Variants in AGAP1 observed in about 807,000 individuals in gnomAD.
The protein encoded by AGAP1 is ArfGAP with GTPase domain, ankyrin repeat and PH domain 1, also known as arf-GAP with GTPase, ANK repeat and PH domain-containing protein 1.
A neutral mutation model predicts 105.3 loss-of-function variants in AGAP1; 29 were observed. That is an observed-to-expected ratio of 0.28 (90% confidence interval 0.21 to 0.38). The LOEUF (loss-of-function observed/expected upper bound fraction) is 0.38. AGAP1 is among the 10% of genes least tolerant of loss of function. The probability of loss-of-function intolerance (pLI) is 1.00; values close to 1 mark genes in which losing one functional copy is unlikely to be tolerated. For missense variants in AGAP1, 998 were observed against 1,165.1 expected (o/e 0.86, Z 2.09); for synonymous variants, 509 against 485.9 (o/e 1.05, Z -0.63).
Position 235,556,440 on chromosome 2 carries a change from AT to A in AGAP1, c.163+61592del, listed in dbSNP as rs1278107667. ...GGCTGCCCACACCTAGGTCTTCAGG[AT>A]GGGACAAGGCAGTCTTGGGGGACTT... On this transcript the variant is annotated intron_variant, in intron 1 of 17. Transcript: ENST00000304032. The surrounding 1 kb of genome is among the most constrained non-coding windows in gnomAD (Gnocchi z 5.3). Among the ~76,000 whole-genome samples the A allele has an allele frequency of 6.6e-6, 1 of 152,188 alleles. No individual in the cohort carries two copies. Among genetic ancestry groups the A allele is most frequent in the African/African-American group, 2.4e-5 (1 of 41,462 alleles).
intron 13 of AGAP1, among the ~76,000 whole-genome samples, chr2:236,015,132 T>C (rs2056652762): frequency 6.6e-6 from 1 of 152,268 alleles, no homozygotes; most frequent in Admixed American, 6.5e-5. Flanking sequence ...TAGTGATGTT[T>C]AAATTACTTC....
At chr2:235,924,585 G>A (rs1257455138) in intron 11 of AGAP1, among the ~76,000 whole-genome samples, 3 of 152,134 alleles carry the variant, frequency 2.0e-5, no homozygotes, top group African/African-American at 4.8e-5. Context: ...TAGGTTCCTG[G>A]GTGATGAGAC....
At position 235,705,518 on chromosome 2, in the gene AGAP1, C is replaced by T. The variant is rs1266959212; in HGVS notation, c.164-3661C>T. On this transcript the variant is annotated intron_variant, in intron 1 of 17. Transcript: ENST00000304032. The surrounding 1 kb of genome is among the most constrained non-coding windows in gnomAD (Gnocchi z 4.9). ...ACCTACTGAGTGATGAACAATTCCA[C>T]GCCAGCACAGTGTCCAGCCCACAGA... 6.6e-6 allele frequency among the ~76,000 whole-genome samples: 1 copy of T among 152,194 alleles called. No individual in the cohort carries two copies. Among genetic ancestry groups the T allele is most frequent in the Non-Finnish European group, 1.5e-5 (1 of 68,046 alleles).
Position 236,051,581 on chromosome 2 carries a change from G to A in AGAP1, c.2114+2300G>A, listed in dbSNP as rs936740781. On this transcript the variant is annotated intron_variant, in intron 16 of 17. Transcript: ENST00000304032. The surrounding 1 kb of genome is among the most constrained non-coding windows in gnomAD (Gnocchi z 5.9). Reference sequence around the variant, plus strand: ...CCTGTGGGGAGGTGTGCCTGTCGGCGAGTACAGCACCGTGGACGGGAGCCT... The same window carrying A: ...CCTGTGGGGAGGTGTGCCTGTCGGCAAGTACAGCACCGTGGACGGGAGCCT... Among the ~76,000 whole-genome samples the A allele has an allele frequency of 1.3e-5, 2 of 152,282 alleles. No homozygotes were observed. Among genetic ancestry groups the A allele is most frequent in the East Asian group, 1.9e-4 (1 of 5,156 alleles).
chr2:236,032,795 G>A (rs1417387328), intron 13 of AGAP1, among the ~76,000 whole-genome samples: 1 of 152,124 alleles, frequency 6.6e-6, no homozygotes, highest in Admixed American at 6.5e-5. Context: ...TCCGCAAGAA[G>A]GTATGAGGGG....
rs902089581 is a variant in AGAP1 at position 235,655,447 on chromosome 2, C to G, written c.164-53732C>G. Among the ~76,000 whole-genome samples, 1 of 152,158 alleles carries G rather than the reference C, an allele frequency of 6.6e-6. No individual in the cohort carries two copies. The highest frequency in any genetic ancestry group is 2.4e-5 in the African/African-American group (1 of 41,432). ...CTCCTTAAGTGTTGCAGAATCACAC[C>G]TGGACAACCCAGGTGCCCAGTCCTT... On this transcript the variant is annotated intron_variant, in intron 1 of 17. Transcript: ENST00000304032. This position sits in a 1 kb window ranked among gnomAD's most constrained non-coding sequence, Gnocchi z 4.3.
At chr2:235,886,863 A>C (rs1372537497) in intron 10 of AGAP1, among the ~76,000 whole-genome samples, 6 of 152,102 alleles carry the variant, frequency 3.9e-5, no homozygotes, top group Admixed American at 1.3e-4. Flanking sequence ...AGTGACTTCC[A>C]GGTGTATTCT....
At chr2:235,505,466 G>C (rs1445996762) in intron 1 of AGAP1, among the ~76,000 whole-genome samples, 1 of 152,190 alleles carries the variant, frequency 6.6e-6, no homozygotes, top group Non-Finnish European at 1.5e-5. Flanking sequence ...GGAGGACCAA[G>C]TTTATACTCA....
Position 235,971,044 on chromosome 2 carries a change from G to T in AGAP1, c.1645+2421G>T, listed in dbSNP as rs1389445945. On this transcript the variant is annotated intron_variant, in intron 13 of 17. Coordinates refer to ENST00000304032, the MANE Select transcript of AGAP1 (RefSeq NM_001037131.3). The surrounding 1 kb of genome is among the most constrained non-coding windows in gnomAD (Gnocchi z 4.8). ...GTGTCTCAAACATGGATGTGTAAGC[G>T]GGTGACGTGTGTTTGGAAGTCCAAG... Among the ~76,000 whole-genome samples the T allele has an allele frequency of 1.3e-5, 2 of 152,192 alleles. No homozygotes were observed. The highest frequency in any genetic ancestry group is 1.3e-4 in the Admixed American group (2 of 15,280).
chr2:235,643,457 A>AAAAAAAAAAAAAAAAAAAAGAAAG (rs1553595203), intron 1 of AGAP1, among the ~76,000 whole-genome samples: 1 of 140,398 alleles, frequency 7.1e-6, no homozygotes, highest in African/African-American at 2.7e-5. Context: ...AAAAAAAAAA[A>AAAAAAAAAAAAAAAAAAAAGAAAG]AAAGAAAGAA....
chr2:235,709,345 G>A, intron 2 of AGAP1, 108 bp downstream of exon 2: 4 of 1,282,736 alleles, frequency 3.1e-6, no homozygotes, highest in Non-Finnish European at 4.5e-6. Flanking sequence ...CAGAGTGGAA[G>A]TGTGACTCTG....
intron 1 of AGAP1, among the ~76,000 whole-genome samples, chr2:235,706,628 G>A (rs1297589584): frequency 6.6e-6 from 1 of 152,198 alleles, no homozygotes; most frequent in South Asian, 2.1e-4. Context: ...CTTGATAGTA[G>A]CCTGGGGACT....
intron 9 of AGAP1, among the ~76,000 whole-genome samples, chr2:235,850,035 T>C (rs1285638418): frequency 2.6e-5 from 4 of 152,238 alleles, no homozygotes; most frequent in African/African-American, 9.6e-5. Context: ...TGATGCCTCC[T>C]GAGCAGGTCT....
Position 235,639,425 on chromosome 2 carries a change from G to A in AGAP1, c.164-69754G>A, listed in dbSNP as rs1947117940. Among the ~76,000 whole-genome samples, 1 of 152,198 alleles carries A rather than the reference G, an allele frequency of 6.6e-6. No homozygotes were observed. The highest frequency in any genetic ancestry group is 2.4e-5 in the African/African-American group (1 of 41,450). ...ACCCGGGGAATCCCAGTGTTTCCAG[G>A]GTGGGCAGAGGAAGAGGAGGCTGGG... On this transcript the variant is annotated intron_variant, in intron 1 of 17. Transcript: ENST00000304032. This position sits in a 1 kb window ranked among gnomAD's most constrained non-coding sequence, Gnocchi z 5.3.
Position 235,541,376 on chromosome 2 carries a change from C to CTTTTT in AGAP1, c.163+46552_163+46556dup, listed in dbSNP as rs556785424. On this transcript the variant is annotated intron_variant, in intron 1 of 17. Coordinates refer to ENST00000304032, the MANE Select transcript of AGAP1 (RefSeq NM_001037131.3). ...ATTATTTCCTTTTTCCATTCTTATT[C>CTTTTT]TTTTTTTTTTTTTTTTTTTTTTTTT... Among the ~76,000 whole-genome samples, 65 of 91,090 alleles carry CTTTTT rather than the reference C, an allele frequency of 7.1e-4. 1 individual carries two copies. Among genetic ancestry groups the CTTTTT allele is most frequent in the Admixed American group, 1.1e-3 (8 of 7,272 alleles). The allele number at this position is 91,090 out of a possible 152,430, so 59.8% of individuals were successfully genotyped here.
chr2:235,566,707 C>A lies in AGAP1; in HGVS notation c.163+71858C>A. 2 of 715,278 alleles carry A rather than the reference C, an allele frequency of 2.8e-6. No homozygotes were observed. Among genetic ancestry groups the A allele is most frequent in the Non-Finnish European group, 3.4e-6 (2 of 583,422 alleles). The allele number at this position is 715,278 out of a possible 1,614,324, so 44.3% of individuals were successfully genotyped here. The stretch of plus-strand genomic sequence containing the variant: ...GTTCGAGGAACACAGGATGCATATT[C>A]AGGCAGGAAGTTGTTGGGGTTAACA... On this transcript the variant is annotated intron_variant, in intron 1 of 17. Coordinates refer to ENST00000304032, the MANE Select transcript of AGAP1 (RefSeq NM_001037131.3). This position sits in a 1 kb window ranked among gnomAD's most constrained non-coding sequence, Gnocchi z 5.2.
chr2:235,770,145 T>C (rs898143409), intron 6 of AGAP1, among the ~76,000 whole-genome samples: 5 of 151,094 alleles, frequency 3.3e-5, no homozygotes, highest in Non-Finnish European at 7.4e-5. Flanking sequence ...TTTTTTTTTT[T>C]GAGACGGAGT....
rs1377894048 is a variant in AGAP1 at position 235,957,846 on chromosome 2, T to A, written c.1484-10616T>A. ...CTTCATCTTGAGTTCACAGGGGGCT[T>A]CAGCCCTCAACTGATTTCCTCTCCT... On this transcript the variant is annotated intron_variant, in intron 12 of 17. Transcript: ENST00000304032. This position sits in a 1 kb window ranked among gnomAD's most constrained non-coding sequence, Gnocchi z 4.6. Among the ~76,000 whole-genome samples, 3 of 152,340 alleles carry A rather than the reference T, an allele frequency of 2.0e-5. No individual in the cohort carries two copies. The highest frequency in any genetic ancestry group is 2.1e-4 in the South Asian group (1 of 4,832).
At chr2:235,666,201 A>G (rs1043684167) in intron 1 of AGAP1, among the ~76,000 whole-genome samples, 1 of 151,970 alleles carries the variant, frequency 6.6e-6, no homozygotes, top group East Asian at 1.9e-4. Context: ...AGTGAAATCA[A>G]CTACATGCTT....
Sources: allele counts gnomAD v4.1 joint callset (sites outside exome capture counted in the v4.1 genomes callset), GRCh38; gene constraint gnomAD v4.1.1; non-coding constraint Gnocchi (gnomAD v3.1); transcripts MANE v1.5; gene names NCBI Gene and HGNC (gene_info 2026-07-23, HGNC 2026-07-21).